TRPM4: variants seen among roughly 807,000 people sequenced by gnomAD.
TRPM4 encodes calcium-activated non-selective cation channel 1.
TRPM4 carries 124 observed loss-of-function variants against 135.6 expected under a neutral mutation model. The observed-to-expected ratio is 0.91, with a 90% CI of 0.79 to 1.06. The LOEUF (loss-of-function observed/expected upper bound fraction) is 1.06. Among genes scored for constraint, TRPM4 ranks in the 50% least tolerant of loss-of-function variants. The pLI, the probability that TRPM4 is intolerant of heterozygous loss-of-function variation, is 0.00. For missense variants in TRPM4, 1,658 were observed against 1,671.4 expected, an observed-to-expected ratio of 0.99 and a Z score of 0.14; for synonymous variants, 745 against 705.6, an observed-to-expected ratio of 1.06 and a Z score of -0.88.
chr19:49,171,838 T>G lies in TRPM4; in HGVS notation c.1050+69T>G, dbSNP rs1967472905. On this transcript the variant is annotated intron_variant, in intron 8 of 24. Coordinates refer to ENST00000252826, the MANE Select transcript of TRPM4 (RefSeq NM_017636.4). This position sits in a 1 kb window ranked among gnomAD's most constrained non-coding sequence, Gnocchi z 4.7. The stretch of plus-strand genomic sequence containing the variant: ...AACTGGGGACTTGGGCTCCTGGGTC[T>G]GAGGGAGGAGGGGCTGGGGGCCTGG... 7.8e-6 allele frequency: 12 copies of G among 1,540,726 alleles called. No individual in the cohort carries two copies. In the South Asian group the frequency reaches 1.4e-4, roughly 17 times the overall value.
intron 9 of TRPM4, among the ~76,000 whole-genome samples, chr19:49,175,357 G>A (rs576535401): frequency 6.6e-6 from 1 of 152,168 alleles, no homozygotes; most frequent in African/African-American, 2.4e-5. Context: ...TTACAGGCAT[G>A]AGCCACTGTG....
rs767155832 is a variant in TRPM4 at position 49,166,164 on chromosome 19, C to G, written c.216C>G (p.Thr72=). 1 of 1,608,856 alleles carries G rather than the reference C, an allele frequency of 6.2e-7. No individual in the cohort carries two copies. Among genetic ancestry groups the G allele is most frequent in the Admixed American group, 1.7e-5 (1 of 59,334 alleles). Residue 72 remains threonine, a synonymous_variant, in exon 3 of 25, where the codon ACC becomes ACG. Coordinates refer to ENST00000252826, the MANE Select transcript of TRPM4 (RefSeq NM_017636.4). ...DSDAHTTEKP[T]DAYGELDFTG... ...ATGCACACACCACGGAGAAGCCCAC[C>G]GATGCCTACGGAGAGCTGGACTTCA...
chr19:49,169,215 C>T (rs1370612668), intron 6 of TRPM4, among the ~76,000 whole-genome samples: 1 of 150,932 alleles, frequency 6.6e-6, no homozygotes, highest in African/African-American at 2.4e-5. Flanking sequence ...AACAAACAGA[C>T]TTTATTTTGA....
rs143555485 is a variant in TRPM4 at position 49,182,639 on chromosome 19, G to A, written c.1325G>A (p.Arg442His). 14 of 1,614,024 alleles carry A rather than the reference G, an allele frequency of 8.7e-6. No individual in the cohort carries two copies. Among genetic ancestry groups the A allele is most frequent in the African/African-American group, 5.3e-5 (4 of 74,934 alleles). Residue 442 changes from arginine (R) to histidine (H), a missense_variant, in exon 11 of 25, where the codon CGC becomes CAC. Physicochemically the swap from Arg to His is conservative, Grantham distance 29. Transcript: ENST00000252826. ...ALLNDRPEFV[R>H]LLISHGLSLG... is the part of the protein sequence containing the mutation. Reference sequence around the variant, plus strand: ...CTGAATGACCGGCCTGAGTTCGTGCGCTTGCTCATTTCCCACGGCCTCAGC... The same window carrying A: ...CTGAATGACCGGCCTGAGTTCGTGCACTTGCTCATTTCCCACGGCCTCAGC...
chr19:49,158,504 C>T, intron 2 of TRPM4: 2 of 554,508 alleles, frequency 3.6e-6, no homozygotes, highest in Non-Finnish European at 6.4e-6. Flanking sequence ...TGCTTCTTTC[C>T]TCCCCGATGT....
Position 49,168,026 on chromosome 19 carries a change from G to C in TRPM4, c.377G>C (p.Gly126Ala), listed in dbSNP as rs1967293399. ...NLVVSVLGGS[G>A]GPVLQTWLQD... is the part of the protein sequence containing the mutation. The stretch of plus-strand genomic sequence containing the variant: ...GTGGTGTCAGTGCTGGGGGGATCGG[G>C]GGGCCCCGTCCTCCAGACCTGGCTG... The change falls in exon 4 of 25, where the codon GGG becomes GCG. Residue 126 changes from glycine to alanine, a missense_variant. Around this residue, in one of 3 missense-constraint regions of TRPM4, gnomAD observed 239 missense variants for 240.1 expected, o/e 1.00. Transcript: ENST00000252826. 1.2e-6 allele frequency: 2 copies of C among 1,613,334 alleles called. No homozygotes were observed. Among genetic ancestry groups the C allele is most frequent in the Non-Finnish European group, 1.7e-6 (2 of 1,179,994 alleles).
chr19:49,191,749 C>T (rs1443849373), intron 16 of TRPM4, among the ~76,000 whole-genome samples: 1 of 152,060 alleles, frequency 6.6e-6, no homozygotes, highest in Non-Finnish European at 1.5e-5. Context: ...CCGCCCGCCT[C>T]AGCCTCCCAA....
Position 49,199,899 on chromosome 19 carries a change from C to T in TRPM4, c.2646-401C>T, listed in dbSNP as rs573973721. On this transcript the variant is annotated intron_variant, in intron 17 of 24. Transcript: ENST00000252826. ...CATAGGAATTATTGATGTTTACTGG[C>T]CGTTTGAACGTCCTCTGTGAATTGT... Among the ~76,000 whole-genome samples, 8 of 152,244 alleles carry T rather than the reference C, an allele frequency of 5.3e-5. No homozygotes were observed. In the South Asian group the frequency reaches 1.7e-3, roughly 32 times the overall value.
chr19:49,210,808 A>G lies in TRPM4; in HGVS notation c.3427A>G (p.Ser1143Gly), dbSNP rs138603244. 544 of 1,613,198 alleles carry G rather than the reference A, an allele frequency of 3.4e-4. 2 individuals are homozygous for G. The African/African-American group carries it at 6.5e-3, about 19-fold the overall frequency. ...GGCACGCGCTAGGGACAAGCGGGAG[A>G]GCGACTCCGAGCGTCTGAAGCGCAC... ...LLARARDKRE[S>G]DSERLKRTSQ... Residue 1143 changes from serine to glycine, a missense_variant, in exon 22 of 25, where the codon AGC becomes GGC. Coordinates refer to ENST00000252826, the MANE Select transcript of TRPM4 (RefSeq NM_017636.4). The surrounding 1 kb of genome is among the most constrained non-coding windows in gnomAD (Gnocchi z 4.1).
At chr19:49,161,152 C>T (rs190307708) in intron 2 of TRPM4, among the ~76,000 whole-genome samples, 2 of 151,916 alleles carry the variant, frequency 1.3e-5, no homozygotes, top group East Asian at 1.9e-4. Context: ...CTGAGAGGTC[C>T]GAGTTGTAGC....
In TRPM4 at chr19:49,190,683, C is replaced by T. The variant is rs1968378046; in HGVS notation, c.2133-13C>T. The T allele has an allele frequency of 1.2e-6, 2 of 1,613,360 alleles. No homozygotes were observed. The highest frequency in any genetic ancestry group is 1.7e-6 in the Non-Finnish European group (2 of 1,179,340). On this transcript the variant is annotated splice_polypyrimidine_tract_variant and intron_variant, in intron 15 of 24. Transcript: ENST00000252826. ...TCCCCTCATTTCTTGCTCTGTGCTT[C>T]CCCCCTTGCTAGGAAATCAGAAGAG...
chr19:49,175,115 G>T (rs1368194810), intron 9 of TRPM4, among the ~76,000 whole-genome samples: 2 of 109,616 alleles, frequency 1.8e-5, no homozygotes, highest in African/African-American at 3.6e-5. Flanking sequence ...CGCTCTTGTT[G>T]TCCAGGCTGG....
intron 9 of TRPM4, among the ~76,000 whole-genome samples, chr19:49,172,987 C>G (rs1967529258): frequency 6.6e-6 from 1 of 150,976 alleles, no homozygotes; most frequent in Non-Finnish European, 1.5e-5. Flanking sequence ...CATCTTCTCA[C>G]CTGTCCATCC....
At chr19:49,164,400 A>T (rs1967095356) in intron 2 of TRPM4, among the ~76,000 whole-genome samples, 5 of 18,182 alleles carry the variant, frequency 2.7e-4, no homozygotes, top group Admixed American at 7.1e-4. Context: ...TTTTTTTTTG[A>T]GATGGAGTTT....
At position 49,200,726 on chromosome 19, in the gene TRPM4, G is replaced by A. The variant is rs150452571; in HGVS notation, c.2894G>A (p.Arg965His). 57 of 1,613,968 alleles carry A rather than the reference G, an allele frequency of 3.5e-5. 1 individual carries two copies. The highest frequency in any genetic ancestry group is 3.3e-4 in the Middle Eastern group (2 of 6,084). The change falls in exon 19 of 25, where the codon CGC (arginine) becomes CAC (histidine). Residue 965 changes from arginine (R) to histidine (H), a missense_variant. By Grantham distance (29) the Arg-to-His change is conservative (BLOSUM62 0). Transcript: ENST00000252826. ...RDSDFPSILR[R>H]VFYRPYLQIF... ...AGTGACTTCCCAAGTATCCTGCGCC[G>A]CGTCTTCTACCGTCCCTACCTGCAG...
chr19:49,193,949 TCTCCTCCTCTTCCTACTCATC>T (rs1968515481), intron 16 of TRPM4, among the ~76,000 whole-genome samples: 1 of 123,518 alleles, frequency 8.1e-6, no homozygotes, highest in Non-Finnish European at 1.7e-5. Context: ...TCCTCCTCCT[TCTCCTCCTCTTCCTACTCATC>T]CTCCTCCTCT....
chr19:49,160,023 T>C (rs1368956774), intron 2 of TRPM4: 1 of 152,154 alleles, frequency 6.6e-6, no homozygotes, highest in East Asian at 1.9e-4. Context: ...AAGATAATTA[T>C]AGTAAGGCAA....
chr19:49,160,011 A>T (rs1966903588), intron 2 of TRPM4: 1 of 152,262 alleles, frequency 6.6e-6, no homozygotes, highest in Non-Finnish European at 1.5e-5. Context: ...GAAGAAACGC[A>T]GAAGATAATT....
In TRPM4 at chr19:49,168,632, C is replaced by T; in HGVS notation, c.692C>T (p.Ala231Val). 6.2e-7 allele frequency: 1 copy of T among 1,613,736 alleles called. No individual in the cohort carries two copies. The highest frequency in any genetic ancestry group is 8.5e-7 in the Non-Finnish European group (1 of 1,179,996). ...VQFPLDYNYSAFFLVDDGTHG... is the reference protein window; with the variant it reads ...VQFPLDYNYSVFFLVDDGTHG... The stretch of plus-strand genomic sequence containing the variant: ...TTTCCCCTGGACTACAACTACTCGG[C>T]CTTCTTCCTGGTGGACGACGGCACA... The change falls in exon 6 of 25, where the codon GCC becomes GTC. Residue 231 changes from alanine to valine, a missense_variant. Around this residue, in one of 3 missense-constraint regions of TRPM4, gnomAD observed 1,412 missense variants for 1,408.7 expected, o/e 1.00. Transcript: ENST00000252826.
Sources: allele counts gnomAD v4.1 joint callset (sites outside exome capture counted in the v4.1 genomes callset), GRCh38; gene constraint gnomAD v4.1.1; regional missense constraint gnomAD v4.1.1; non-coding constraint Gnocchi (gnomAD v3.1); transcripts MANE v1.5; gene names NCBI Gene and HGNC (gene_info 2026-07-23, HGNC 2026-07-21).